Variants in EXOC6 observed in about 807,000 individuals in gnomAD.
The protein encoded by EXOC6 is SEC15-like 1.
Under a neutral mutation model 112.5 loss-of-function variants are expected in EXOC6, and 60 were observed. That is an observed-to-expected ratio of 0.53 (90% CI 0.43 to 0.66). The LOEUF is 0.66. Ranked by LOEUF, EXOC6 falls within the 30% of genes least tolerant of loss-of-function variation. The pLI is 0.00. For missense variants in EXOC6, 855 were observed against 957.1 expected (o/e 0.89, Z 1.41); for synonymous variants, 295 against 308.0 (o/e 0.96, Z 0.44).
At chr10:93,003,621 ATGTT>A (rs147565360) in intron 19 of EXOC6, among the ~76,000 whole-genome samples, 1,579 of 152,270 alleles carry the variant, frequency 0.01, 28 homozygotes, top group African/African-American at 0.036. Context: ...AACCTATTAT[ATGTT>A]TGTTATATAC....
At chr10:93,017,267 G>A (rs1430557703) in intron 20 of EXOC6, among the ~76,000 whole-genome samples, 1 of 152,054 alleles carries the variant, frequency 6.6e-6, no homozygotes, top group Non-Finnish European at 1.5e-5. Flanking sequence ...TCAAAAGGGG[G>A]AGGGTGGGAG....
intron 19 of EXOC6, among the ~76,000 whole-genome samples, chr10:93,003,190 C>T (rs1843831451): frequency 6.6e-6 from 1 of 152,098 alleles, no homozygotes; most frequent in Admixed American, 6.5e-5. Context: ...TGTTTATTTT[C>T]CCATTCTTGT....
At chr10:92,954,308 C>T (rs1281123955) in intron 15 of EXOC6, among the ~76,000 whole-genome samples, 2 of 151,974 alleles carry the variant, frequency 1.3e-5, no homozygotes, top group Admixed American at 6.6e-5. Context: ...AATAAAACAA[C>T]AAAGTTACTA....
chr10:92,964,961 G>A (rs1282902208), intron 17 of EXOC6, among the ~76,000 whole-genome samples: 3 of 152,138 alleles, frequency 2.0e-5, no homozygotes, highest in African/African-American at 7.2e-5. Flanking sequence ...TCATCTAAAG[G>A]AAGAGAAACT....
intron 12 of EXOC6, among the ~76,000 whole-genome samples, chr10:92,936,552 G>A (rs186101129): frequency 4.3e-4 from 66 of 152,334 alleles, no homozygotes; most frequent in Admixed American, 1.4e-3. Context: ...CCGAGATCGC[G>A]CCACTGCGCT....
Position 92,893,505 on chromosome 10 carries a change from T to G in EXOC6, c.258T>G (p.Asp86Glu). 1 of 1,597,980 alleles carries G rather than the reference T, an allele frequency of 6.3e-7. No homozygotes were observed. The highest frequency in any genetic ancestry group is 8.5e-7 in the Non-Finnish European group (1 of 1,173,970). The change falls in exon 2 of 22, where the codon GAT becomes GAG. Residue 86 changes from aspartate (D) to glutamate (E), a missense_variant. Physicochemically the swap from Asp to Glu is conservative, Grantham distance 45 (BLOSUM62 2). Coordinates refer to ENST00000260762, the MANE Select transcript of EXOC6 (RefSeq NM_019053.6). Reference sequence around the variant, plus strand: ...CAGAACTCCTTAAAGTAAGGACTGATGCAGAAAAACTGAAGGTAAGAAATA... The same window carrying G: ...CAGAACTCCTTAAAGTAAGGACTGAGGCAGAAAAACTGAAGGTAAGAAATA... ...AITELLKVRT[D>E]AEKLKVQVTD...
chr10:93,029,088 TCAG>T (rs1845154795), intron 20 of EXOC6, among the ~76,000 whole-genome samples: 1 of 152,050 alleles, frequency 6.6e-6, no homozygotes, highest in African/African-American at 2.4e-5. Context: ...CCCGAATGAG[TCAG>T]CAGCCATCCA....
chr10:92,930,261 G>A (rs917255152), intron 9 of EXOC6, among the ~76,000 whole-genome samples: 6 of 152,176 alleles, frequency 3.9e-5, no homozygotes, highest in African/African-American at 1.4e-4. Context: ...CCAGCGCTTT[G>A]GGAGGCTGAG....
intron 20 of EXOC6, among the ~76,000 whole-genome samples, chr10:93,052,052 T>C (rs1038854819): frequency 1.3e-5 from 2 of 152,198 alleles, no homozygotes; most frequent in African/African-American, 4.8e-5. Flanking sequence ...TGAGGTTGGC[T>C]TAACTTTATT....
rs564019129 is a variant in EXOC6, at chr10:92,927,221, T to A, written c.889-1118T>A. Among the ~76,000 whole-genome samples the A allele has an allele frequency of 3.1e-3, 471 of 152,288 alleles. 1 individual carries two copies. Among genetic ancestry groups the A allele is most frequent in the African/African-American group, 0.011 (451 of 41,556 alleles). ...TTCCTGTAGTTTTTTTCTTTTGACT[T>A]TGGAGCCTTAGATGATTAGGGAAAT... On this transcript the variant is annotated intron_variant, in intron 8 of 21. Coordinates refer to ENST00000260762, the MANE Select transcript of EXOC6 (RefSeq NM_019053.6).
At chr10:92,965,811 T>G (rs1323809642) in intron 17 of EXOC6, among the ~76,000 whole-genome samples, 1 of 152,182 alleles carries the variant, frequency 6.6e-6, no homozygotes, top group African/African-American at 2.4e-5. Context: ...CAGACACATA[T>G]GTTTTCTAAT....
chr10:93,052,757 C>A (rs1846360123), intron 20 of EXOC6, among the ~76,000 whole-genome samples: 1 of 152,112 alleles, frequency 6.6e-6, no homozygotes, highest in Non-Finnish European at 1.5e-5. Context: ...AGCTTAATAC[C>A]AATTTTCATT....
chr10:92,995,679 A>G (rs1407552820), intron 18 of EXOC6, among the ~76,000 whole-genome samples: 1 of 152,068 alleles, frequency 6.6e-6, no homozygotes, highest in Non-Finnish European at 1.5e-5. Flanking sequence ...ATGGAGCTGC[A>G]TGTCTCCCAG....
intron 9 of EXOC6, 82 bp from the exon 10 acceptor site, chr10:92,934,062 A>G: frequency 1.2e-6 from 1 of 802,872 alleles, no homozygotes; most frequent in Non-Finnish European, 2.0e-6. Context: ...AATATTTGTT[A>G]ATGAAGTTGT....
intron 17 of EXOC6, among the ~76,000 whole-genome samples, chr10:92,962,890 CT>C (rs1330270552): frequency 6.6e-6 from 1 of 152,112 alleles, no homozygotes; most frequent in African/African-American, 2.4e-5. Context: ...ATTTGCATAC[CT>C]TTAGATGAGA....
At chr10:92,861,954 C>T (rs1272690716) in intron 1 of EXOC6, among the ~76,000 whole-genome samples, 6 of 152,072 alleles carry the variant, frequency 3.9e-5, no homozygotes, top group South Asian at 2.1e-4. Flanking sequence ...AAGTGTATCC[C>T]CCTCAAATAT....
intron 17 of EXOC6, among the ~76,000 whole-genome samples, chr10:92,961,106 C>T (rs952587768): frequency 1.3e-5 from 2 of 152,000 alleles, no homozygotes; most frequent in African/African-American, 2.4e-5. Flanking sequence ...GTATTATTGG[C>T]AGTTTAAAAT....
intron 20 of EXOC6, among the ~76,000 whole-genome samples, chr10:93,056,332 G>T (rs1159906232): frequency 6.6e-6 from 1 of 152,168 alleles, no homozygotes; most frequent in Non-Finnish European, 1.5e-5. Flanking sequence ...TGGTAGCCTA[G>T]AGTTAACAGG....
chr10:92,972,400 A>C (rs1366066519), intron 17 of EXOC6, among the ~76,000 whole-genome samples: 1 of 152,124 alleles, frequency 6.6e-6, no homozygotes, highest in African/African-American at 2.4e-5. Flanking sequence ...TGAGAGAGAG[A>C]GAGTGAGTGA....
Sources: gnomAD v4.1 joint callset for allele counts (sites outside exome capture counted in the v4.1 genomes callset) on GRCh38, gnomAD v4.1.1 for gene constraint, MANE v1.5 for transcripts, NCBI Gene and HGNC (gene_info 2026-07-23, HGNC 2026-07-21) for gene names.